The following ANO3 variants were observed in gnomAD, a reference collection of about 807,000 sequenced individuals.
ANO3 encodes anoctamin 3, also known as anoctamin-3.
A neutral mutation model predicts 144.8 loss-of-function variants in ANO3; 99 were observed. The observed-to-expected ratio is 0.68, with a 90% CI of 0.58 to 0.81. The LOEUF (loss-of-function observed/expected upper bound fraction) is 0.81. Among genes scored for constraint, ANO3 ranks in the 30% least tolerant of loss-of-function variants. The pLI, the probability that ANO3 is intolerant of heterozygous loss-of-function variation, is 0.00. For synonymous variants in ANO3, 414 were observed against 392.6 expected (o/e 1.05, Z -0.64); for missense variants, 905 against 1,202.2 (o/e 0.75, Z 3.66).
Position 26,569,697 on chromosome 11 carries a change from G to A in ANO3, c.1447+9918G>A, listed in dbSNP as rs1395609619. On this transcript the variant is annotated intron_variant, in intron 14 of 26. Transcript: ENST00000256737. ...TGAAATCTATATATGTTTTACTTTC[G>A]TGTGTGCTTTCCTTTTAGCCTCTCT... is the stretch of plus-strand genomic sequence containing the variant. Among the ~76,000 whole-genome samples, 5 of 152,018 alleles carry A rather than the reference G, an allele frequency of 3.3e-5. No homozygotes were observed. In the East Asian group the frequency reaches 7.7e-4, roughly 23 times the overall value.
chr11:26,339,158 T>A (rs1176632654), intron 1 of ANO3, among the ~76,000 whole-genome samples: 1 of 151,978 alleles, frequency 6.6e-6, no homozygotes, highest in Admixed American at 6.6e-5. Flanking sequence ...TCCACTTTTT[T>A]TTTTTTTCTT....
intron 1 of ANO3, among the ~76,000 whole-genome samples, chr11:26,275,203 A>C (rs1260092382): frequency 1.3e-5 from 2 of 152,072 alleles, no homozygotes; most frequent in African/African-American, 4.8e-5. Flanking sequence ...ATTTGTTCTT[A>C]AGCTGACATA....
At chr11:26,316,511 A>G (rs987699311) in intron 1 of ANO3, among the ~76,000 whole-genome samples, 1 of 152,220 alleles carries the variant, frequency 6.6e-6, no homozygotes, top group Admixed American at 6.5e-5. Context: ...ATTTTTAGTA[A>G]GACACTAATC....
chr11:26,462,951 AAGAGG>A (rs2134057247), intron 3 of ANO3, 74 bp from the exon 4 acceptor site: 1 of 636,366 alleles, frequency 1.6e-6, no homozygotes, highest in East Asian at 3.1e-5. Flanking sequence ...GAAAACATGA[AAGAGG>A]AGAGATTAGT....
In ANO3 at chr11:26,660,318, G is replaced by A. The variant is rs1413843824; in HGVS notation, c.2820G>A (p.Lys940=). ...CATACCTGATTCCAGACGTACCAAA[G>A]GGTCTACATGACCGAATACGACGAG... The part of the protein sequence containing the change: ...FIAYLIPDVP[K]GLHDRIRREK... Residue 940 remains lysine, a synonymous_variant, in exon 27 of 27, where the codon AAG becomes AAA. Transcript: ENST00000256737. The A allele has an allele frequency of 2.5e-6, 4 of 1,613,420 alleles. No individual in the cohort carries two copies. Among genetic ancestry groups the A allele is most frequent in the Non-Finnish European group, 2.5e-6 (3 of 1,179,686 alleles).
intron 1 of ANO3, among the ~76,000 whole-genome samples, chr11:26,349,375 T>A (rs1320619011): frequency 1.3e-5 from 2 of 152,186 alleles, no homozygotes; most frequent in African/African-American, 4.8e-5. Flanking sequence ...TTACAGTGCA[T>A]AACATCAAAA....
At chr11:26,270,844 A>G (rs1490185716) in intron 1 of ANO3, among the ~76,000 whole-genome samples, 1 of 152,230 alleles carries the variant, frequency 6.6e-6, no homozygotes, top group African/African-American at 2.4e-5. Flanking sequence ...GCAAACGAAG[A>G]TGGTCAGAGC....
chr11:26,283,357 T>TACAC (rs1194770669), intron 1 of ANO3, among the ~76,000 whole-genome samples: 2 of 113,768 alleles, frequency 1.8e-5, no homozygotes, highest in African/African-American at 6.5e-5. Flanking sequence ...TATATATATA[T>TACAC]ATATATATAG....
chr11:26,374,025 G>A (rs1324013348), intron 1 of ANO3, among the ~76,000 whole-genome samples: 1 of 152,062 alleles, frequency 6.6e-6, no homozygotes, highest in East Asian at 1.9e-4. Context: ...GCCCACCCCA[G>A]CAAAGTATAT....
intron 4 of ANO3, among the ~76,000 whole-genome samples, chr11:26,504,759 C>T (rs942765503): frequency 2.0e-5 from 3 of 150,898 alleles, no homozygotes; most frequent in Admixed American, 1.3e-4. Context: ...CGCGGTGGCT[C>T]ACGCCTGTAA....
At chr11:26,354,571 G>A (rs1046407158) in intron 1 of ANO3, among the ~76,000 whole-genome samples, 3 of 151,994 alleles carry the variant, frequency 2.0e-5, no homozygotes, top group Non-Finnish European at 4.4e-5. Context: ...CACTTCCCAG[G>A]CCCTGTCCCC....
intron 4 of ANO3, among the ~76,000 whole-genome samples, chr11:26,502,057 A>G (rs1407028938): frequency 6.6e-6 from 1 of 152,190 alleles, no homozygotes; most frequent in Non-Finnish European, 1.5e-5. Context: ...AAGGACTTCT[A>G]CTTTCCTTTG....
intron 1 of ANO3, among the ~76,000 whole-genome samples, chr11:26,397,874 A>ATT (rs111252235): frequency 1.6e-4 from 24 of 151,230 alleles, no homozygotes; most frequent in East Asian, 1.4e-3. Context: ...ACACAGTAAG[A>ATT]ATTTTTTTTG....
At chr11:26,302,835 T>G (rs988886394) in intron 1 of ANO3, among the ~76,000 whole-genome samples, 1 of 152,126 alleles carries the variant, frequency 6.6e-6, no homozygotes, top group Non-Finnish European at 1.5e-5. Flanking sequence ...TATATAAAAT[T>G]TCCTAGTAAC....
chr11:26,278,691 CAG>C (rs980224299), intron 1 of ANO3, among the ~76,000 whole-genome samples: 12 of 152,092 alleles, frequency 7.9e-5, no homozygotes, highest in African/African-American at 2.7e-4. Flanking sequence ...CAAATACAAA[CAG>C]TACTAGATTT....
intron 1 of ANO3, among the ~76,000 whole-genome samples, chr11:26,315,813 C>G (rs144754164): frequency 6.6e-6 from 1 of 152,120 alleles, no homozygotes; most frequent in African/African-American, 2.4e-5. Context: ...AATAAGACAA[C>G]CCAAAAGCCA....
intron 1 of ANO3, chr11:26,287,346 C>T (rs1026400167): frequency 1.2e-4 from 19 of 152,272 alleles, no homozygotes; most frequent in African/African-American, 4.3e-4. Context: ...AAGCAGTGGT[C>T]TAAGTACCTT....
At chr11:26,287,653 G>A (rs1853839481) in intron 1 of ANO3, 1 of 152,148 alleles carries the variant, frequency 6.6e-6, no homozygotes, top group Non-Finnish European at 1.5e-5. Flanking sequence ...CTTACCCAAA[G>A]TCACATAGTT....
At chr11:26,230,753 C>T (rs1470046750) in intron 1 of ANO3, among the ~76,000 whole-genome samples, 1 of 135,148 alleles carries the variant, frequency 7.4e-6, no homozygotes, top group African/African-American at 2.9e-5. Context: ...GCCGAGATCC[C>T]ACTACTGCAC....
Sources: gnomAD v4.1 joint callset for allele counts (sites outside exome capture counted in the v4.1 genomes callset) on GRCh38, gnomAD v4.1.1 for gene constraint, MANE v1.5 for transcripts, NCBI Gene and HGNC (gene_info 2026-07-23, HGNC 2026-07-21) for gene names.